Variants in FOXP2 observed in about 807,000 individuals in gnomAD.
FOXP2 encodes the protein forkhead box protein P2.
In FOXP2, 12 loss-of-function variants were observed where a neutral mutation model predicts 115.8. That is an observed-to-expected ratio of 0.10 (90% confidence interval 0.07 to 0.17). The LOEUF (loss-of-function observed/expected upper bound fraction) is 0.17. Ranked by LOEUF, FOXP2 falls within the 10% of genes least tolerant of loss-of-function variation. FOXP2 has a pLI of 1.00. For missense variants in FOXP2, 629 were observed against 843.5 expected, an observed-to-expected ratio of 0.75 and a Z score of 3.15; for synonymous variants, 328 against 297.7, an observed-to-expected ratio of 1.10 and a Z score of -1.05.
At chr7:114,177,393 G>T (rs997332197) in intron 1 of FOXP2, among the ~76,000 whole-genome samples, 7 of 151,846 alleles carry the variant, frequency 4.6e-5, no homozygotes, top group Non-Finnish European at 8.8e-5. Flanking sequence ...TCAACACTTA[G>T]GTTGTCTTTT....
intron 2 of FOXP2, among the ~76,000 whole-genome samples, chr7:114,500,168 A>G (rs1265334525): frequency 6.6e-6 from 1 of 150,472 alleles, no homozygotes; most frequent in Non-Finnish European, 1.5e-5. Context: ...GTGAGCCGAG[A>G]TCACGCAACT....
At chr7:114,104,834 T>C (rs550001102) in intron 1 of FOXP2, among the ~76,000 whole-genome samples, 2 of 152,136 alleles carry the variant, frequency 1.3e-5, no homozygotes, top group South Asian at 2.1e-4. Context: ...AGATATCTTA[T>C]ATGTTTTAAC....
intron 2 of FOXP2, among the ~76,000 whole-genome samples, chr7:114,398,645 G>C (rs1386938244): frequency 2.6e-5 from 4 of 152,174 alleles, no homozygotes; most frequent in African/African-American, 9.7e-5. Context: ...TGTTGGTATG[G>C]GTAAAGTGAG....
chr7:114,471,718 G>C (rs1234283582), intron 2 of FOXP2, among the ~76,000 whole-genome samples: 1 of 151,822 alleles, frequency 6.6e-6, no homozygotes. Flanking sequence ...GGGAGGCCGA[G>C]GCGGGCGGAT....
chr7:114,605,628 A>G (rs1038459752), intron 3 of FOXP2, among the ~76,000 whole-genome samples: 6 of 152,184 alleles, frequency 3.9e-5, no homozygotes, highest in African/African-American at 1.2e-4. Flanking sequence ...GCCTCGGACG[A>G]TAAGGTTTGG....
intron 2 of FOXP2, among the ~76,000 whole-genome samples, chr7:114,438,712 A>G (rs943726025): frequency 1.3e-5 from 2 of 152,098 alleles, no homozygotes; most frequent in Admixed American, 6.6e-5. Flanking sequence ...AGAAAAAAAT[A>G]AATGTCTTAA....
intron 2 of FOXP2, among the ~76,000 whole-genome samples, chr7:114,309,671 AT>A (rs1286876098): frequency 2.0e-5 from 3 of 151,704 alleles, no homozygotes; most frequent in Admixed American, 6.6e-5. Context: ...GGAGATACAT[AT>A]TTTTTTTCTT....
intron 1 of FOXP2, among the ~76,000 whole-genome samples, chr7:114,095,051 A>G (rs1799615453): frequency 6.6e-6 from 1 of 152,172 alleles, no homozygotes; most frequent in Non-Finnish European, 1.5e-5. Flanking sequence ...TAATGCATAT[A>G]AGACTGAGAA....
intron 6 of FOXP2, among the ~76,000 whole-genome samples, chr7:114,634,853 A>C (rs1805128077): frequency 6.6e-6 from 1 of 152,168 alleles, no homozygotes; most frequent in Non-Finnish European, 1.5e-5. Context: ...GTGACATCCG[A>C]TAAACGTTTG....
chr7:114,623,493 T>A (rs1804362708), intron 3 of FOXP2, among the ~76,000 whole-genome samples: 1 of 151,948 alleles, frequency 6.6e-6, no homozygotes, highest in Non-Finnish European at 1.5e-5. Context: ...TGTAAAATAA[T>A]CTGAGCAGCT....
chr7:114,624,949 C>T (rs1051846411), intron 3 of FOXP2, among the ~76,000 whole-genome samples: 19 of 151,304 alleles, frequency 1.3e-4, no homozygotes, highest in South Asian at 1.0e-3. Flanking sequence ...ACCACTGACT[C>T]TTTGCAAGAC....
At chr7:114,384,117 G>A (rs181039886) in intron 2 of FOXP2, among the ~76,000 whole-genome samples, 2 of 151,696 alleles carry the variant, frequency 1.3e-5, no homozygotes, top group African/African-American at 4.9e-5. Context: ...GATTAGTTAC[G>A]CTCGCCGATG....
At chr7:114,278,964 A>T (rs1253887196) in intron 1 of FOXP2, among the ~76,000 whole-genome samples, 2 of 152,088 alleles carry the variant, frequency 1.3e-5, no homozygotes, top group Non-Finnish European at 1.5e-5. Context: ...TGCATTCAGG[A>T]GCTTTTATTT....
chr7:114,121,803 A>T (rs975349932), intron 1 of FOXP2, among the ~76,000 whole-genome samples: 4 of 152,122 alleles, frequency 2.6e-5, no homozygotes, highest in African/African-American at 9.7e-5. Context: ...TAGAGCAGGG[A>T]ATTTATTTTA....
intron 2 of FOXP2, among the ~76,000 whole-genome samples, chr7:114,381,388 A>T (rs1309621533): frequency 1.3e-5 from 2 of 152,202 alleles, no homozygotes; most frequent in Non-Finnish European, 2.9e-5. Context: ...AAATTAAATC[A>T]TCCCTGTACC....
intron 2 of FOXP2, among the ~76,000 whole-genome samples, chr7:114,399,890 T>C (rs1792840323): frequency 6.8e-6 from 1 of 147,726 alleles, no homozygotes; most frequent in African/African-American, 2.5e-5. Flanking sequence ...AGAGTCTCAC[T>C]CTGTCACCCA....
chr7:114,279,506 C>T (rs755556319), intron 1 of FOXP2, among the ~76,000 whole-genome samples: 2 of 152,096 alleles, frequency 1.3e-5, no homozygotes, highest in Non-Finnish European at 2.9e-5. Flanking sequence ...ATCTAGACTG[C>T]CTGTGTCACA....
chr7:114,631,363 C>T (rs868845670), intron 5 of FOXP2, among the ~76,000 whole-genome samples, 165 bp from the exon 6 acceptor site: 1 of 152,092 alleles, frequency 6.6e-6, no homozygotes, highest in African/African-American at 2.4e-5. Flanking sequence ...GAAAGAAAGG[C>T]AACTGAAAAT....
chr7:114,199,610 A>G (rs1794008661), intron 1 of FOXP2, among the ~76,000 whole-genome samples: 1 of 152,194 alleles, frequency 6.6e-6, no homozygotes, highest in Non-Finnish European at 1.5e-5. Flanking sequence ...TATGGTTATC[A>G]CATCTGCAAA....
Sources: gnomAD v4.1 joint callset for allele counts (sites outside exome capture counted in the v4.1 genomes callset) on GRCh38, gnomAD v4.1.1 for gene constraint, MANE v1.5 for transcripts, NCBI Gene and HGNC (gene_info 2026-07-23, HGNC 2026-07-21) for gene names.